The following KIF1B variants were observed in gnomAD, a reference collection of about 807,000 sequenced individuals.
KIF1B encodes kinesin family member 1B.
In KIF1B, 76 loss-of-function variants were observed where a neutral mutation model predicts 241.9. The ratio of observed to expected loss-of-function variants is 0.31; its 90% confidence interval spans 0.26 to 0.38. The LOEUF is 0.38. Among genes scored for constraint, KIF1B ranks in the 10% least tolerant of loss-of-function variants. The pLI, the probability that KIF1B is intolerant of heterozygous loss-of-function variation, is 1.00. For synonymous variants in KIF1B, 750 were observed against 796.7 expected, an observed-to-expected ratio of 0.94 and a Z score of 0.99; for missense variants, 1,622 against 2,271.4, an observed-to-expected ratio of 0.71 and a Z score of 5.81.
At chr1:10,278,770 A>G (rs1323612681) in intron 13 of KIF1B, 1 of 265,044 alleles carries the variant, frequency 3.8e-6, no homozygotes, top group Non-Finnish European at 7.1e-6. Context: ...GCTTATTCAG[A>G]AGTTCTCTTA....
Position 10,210,600 on chromosome 1 carries a change from C to T in KIF1B, c.-358C>T, listed in dbSNP as rs1206762193. Among the ~76,000 whole-genome samples, 1 of 151,966 alleles carries T rather than the reference C, an allele frequency of 6.6e-6. No individual in the cohort carries two copies. The highest frequency in any genetic ancestry group is 1.5e-5 in the Non-Finnish European group (1 of 67,952). ...GACGGCAGCGGTCCTGGGAGGCGCC[C>T]GCGCGCGTCGGAGCAGCTCCCCGTC... is the stretch of plus-strand genomic sequence containing the variant. On this transcript the variant is annotated 5_prime_UTR_variant, in exon 1 of 49. Transcript: ENST00000676179. This position sits in a 1 kb window ranked among gnomAD's most constrained non-coding sequence, Gnocchi z 4.1.
intron 1 of KIF1B, among the ~76,000 whole-genome samples, chr1:10,229,827 C>T (rs1464123155): frequency 7.2e-6 from 1 of 138,414 alleles, no homozygotes; most frequent in Admixed American, 7.5e-5. Context: ...CGCCACTGCA[C>T]TCCATCCAGC....
chr1:10,343,630 C>T (rs942107841), intron 34 of KIF1B, among the ~76,000 whole-genome samples: 3 of 151,982 alleles, frequency 2.0e-5, no homozygotes, highest in Non-Finnish European at 2.9e-5. Flanking sequence ...TGGTGGCACA[C>T]GCCTGTAATC....
chr1:10,252,848 C>G (rs1449124166), intron 2 of KIF1B, among the ~76,000 whole-genome samples: 1 of 151,846 alleles, frequency 6.6e-6, no homozygotes, highest in Non-Finnish European at 1.5e-5. Context: ...CTTAGCCTCC[C>G]GAGTAGCTGG....
intron 27 of KIF1B, among the ~76,000 whole-genome samples, chr1:10,330,195 A>T (rs928733779): frequency 2.0e-5 from 3 of 152,344 alleles, no homozygotes; most frequent in African/African-American, 7.2e-5. Context: ...AATTCTGTTT[A>T]AAAAGCTTCA....
intron 5 of KIF1B, 117 bp from the exon 6 acceptor site, chr1:10,267,263 A>G (rs900558914): frequency 1.3e-6 from 1 of 791,382 alleles, no homozygotes; most frequent in Non-Finnish European, 2.2e-6. Context: ...AGTGATCTCA[A>G]GTGATCCGCC....
chr1:10,251,073 G>C (rs1239699530), intron 2 of KIF1B, among the ~76,000 whole-genome samples: 1 of 151,804 alleles, frequency 6.6e-6, no homozygotes, highest in African/African-American at 2.4e-5. Context: ...GGCTGAGACA[G>C]GAGAATCGCT....
chr1:10,273,980 A>C (rs1162000403), intron 10 of KIF1B, among the ~76,000 whole-genome samples: 5 of 126,494 alleles, frequency 4.0e-5, no homozygotes, highest in Admixed American at 1.0e-4. Context: ...ACTGCTGCCC[A>C]GGCTGGGGTA....
At chr1:10,267,670 G>A (rs1648542761) in intron 6 of KIF1B, 112 bp downstream of exon 6, 17 of 930,308 alleles carry the variant, frequency 1.8e-5, no homozygotes, top group Non-Finnish European at 2.9e-5. Flanking sequence ...CTTTAATTGT[G>A]GAGTCCTCTG....
At chr1:10,305,788 A>G (rs1478507692) in intron 22 of KIF1B, 1 of 1,054,294 alleles carries the variant, frequency 9.5e-7, no homozygotes. Flanking sequence ...ACTAAGAAAG[A>G]TGGATTTTAA....
intron 1 of KIF1B, chr1:10,227,808 C>CA (rs573736926): frequency 0.04 from 5,838 of 144,458 alleles, 145 homozygotes; most frequent in African/African-American, 0.075. Flanking sequence ...AACTTCATCT[C>CA]AAAAAAAAAA....
intron 44 of KIF1B, among the ~76,000 whole-genome samples, chr1:10,370,624 G>C (rs112319171): frequency 0.013 from 1,761 of 137,004 alleles, 37 homozygotes; most frequent in African/African-American, 0.045. Flanking sequence ...GACATAGCAA[G>C]ACCTTATCTC....
chr1:10,268,422 C>T (rs538348307), intron 7 of KIF1B, among the ~76,000 whole-genome samples, 159 bp downstream of exon 7: 26 of 152,144 alleles, frequency 1.7e-4, no homozygotes, highest in African/African-American at 6.3e-4. Flanking sequence ...TTTTCTTCCA[C>T]CCTACACCAG....
intron 2 of KIF1B, among the ~76,000 whole-genome samples, chr1:10,250,014 T>C (rs1647349228): frequency 6.6e-6 from 1 of 152,202 alleles, no homozygotes; most frequent in Non-Finnish European, 1.5e-5. Context: ...TCTCACTATG[T>C]TGCCCAGGCT....
chr1:10,232,348 A>G lies in KIF1B; in HGVS notation c.20A>G (p.Lys7Arg). Reference protein sequence around the residue: MSGASVKVAVRVRPFNS... With the variant: MSGASVRVAVRVRPFNS... ...ATTAAAATGTCGGGAGCCTCAGTGA[A>G]GGTGGCTGTCCGGGTAAGGCCCTTC... is the stretch of plus-strand genomic sequence containing the variant. The change falls in exon 2 of 49, where the codon AAG becomes AGG. Residue 7 changes from lysine (K) to arginine (R), a missense_variant. This residue lies in a region of KIF1B where 156 missense variants were observed against 244.8 expected (regional missense o/e 0.64). Coordinates refer to ENST00000676179, the MANE Select transcript of KIF1B (RefSeq NM_001365951.3). The G allele has an allele frequency of 6.2e-7, 1 of 1,613,718 alleles. No individual in the cohort carries two copies. Among genetic ancestry groups the G allele is most frequent in the South Asian group, 1.1e-5 (1 of 91,040 alleles).
chr1:10,251,209 T>C (rs1305120716), intron 2 of KIF1B, among the ~76,000 whole-genome samples: 1 of 151,860 alleles, frequency 6.6e-6, no homozygotes, highest in Non-Finnish European at 1.5e-5. Context: ...TTTGAAGATA[T>C]AAGTTAGGAA....
At chr1:10,221,500 C>T (rs1646844763) in intron 1 of KIF1B, among the ~76,000 whole-genome samples, 1 of 152,102 alleles carries the variant, frequency 6.6e-6, no homozygotes, top group Non-Finnish European at 1.5e-5. Flanking sequence ...TACATACAGA[C>T]CCACACACAC....
At chr1:10,248,349 G>C (rs760500116) in intron 2 of KIF1B, among the ~76,000 whole-genome samples, 13 of 151,920 alleles carry the variant, frequency 8.6e-5, no homozygotes, top group Non-Finnish European at 1.3e-4. Context: ...ACAGGCGCAC[G>C]CTACCATACT....
At chr1:10,339,336 A>C (rs1652302732) in intron 31 of KIF1B, among the ~76,000 whole-genome samples, 1 of 152,226 alleles carries the variant, frequency 6.6e-6, no homozygotes, top group Non-Finnish European at 1.5e-5. Flanking sequence ...TGCCTGGAAG[A>C]GGTGACATTT....
Sources: allele counts gnomAD v4.1 joint callset (sites outside exome capture counted in the v4.1 genomes callset), GRCh38; gene constraint gnomAD v4.1.1; regional missense constraint gnomAD v4.1.1; non-coding constraint Gnocchi (gnomAD v3.1); transcripts MANE v1.5; gene names NCBI Gene and HGNC (gene_info 2026-07-23, HGNC 2026-07-21).